The following TRPM7 variants were observed in gnomAD, a reference collection of about 807,000 sequenced individuals.
TRPM7 encodes the protein transient receptor potential cation channel subfamily M member 7, also known as LTRPC ion channel family member 7.
A neutral mutation model predicts 229.7 loss-of-function variants in TRPM7; 134 were observed. That is an observed-to-expected ratio of 0.58 (90% confidence interval 0.51 to 0.67). The LOEUF is 0.67. Ranked by LOEUF, TRPM7 falls within the 30% of genes least tolerant of loss-of-function variation. The pLI, the probability that TRPM7 is intolerant of heterozygous loss-of-function variation, is 0.00. For synonymous variants in TRPM7, 699 were observed against 715.2 expected, an observed-to-expected ratio of 0.98 and a Z score of 0.36; for missense variants, 1,901 against 2,210.0, an observed-to-expected ratio of 0.86 and a Z score of 2.80.
rs2053232335 is a variant in TRPM7, at chr15:50,559,512, A to G, written c.*2166T>C. On this transcript the variant is annotated 3_prime_UTR_variant, in exon 39 of 39. Transcript: ENST00000646667. ...CCCACCAAGACAAACAAAACAAAAC[A>G]AAACAAAACAAAACAAAACAAAAAC... 6.6e-6 allele frequency: 1 copy of G among 151,402 alleles called. No homozygotes were observed. The highest frequency in any genetic ancestry group is 1.9e-4 in the East Asian group (1 of 5,156). 9.4% of individuals were successfully genotyped at this position (151,402 alleles called of 1,614,324 possible). A position where few individuals can be genotyped will look rare whatever the true frequency, so the allele number is the denominator to read the frequency against.
chr15:50,657,182 G>A (rs899891547), intron 3 of TRPM7, among the ~76,000 whole-genome samples: 1 of 152,004 alleles, frequency 6.6e-6, no homozygotes, highest in Non-Finnish European at 1.5e-5. Flanking sequence ...AAATTAGCCG[G>A]GCATGGTGGC....
intron 36 of TRPM7, among the ~76,000 whole-genome samples, chr15:50,573,270 G>C (rs1224743514): frequency 6.6e-6 from 1 of 152,172 alleles, no homozygotes; most frequent in Non-Finnish European, 1.5e-5. Flanking sequence ...TCAATCCTGG[G>C]CCTAGCCTTA....
rs773355255 is a variant in TRPM7, at chr15:50,611,165, G to A, written c.2208C>T (p.His736=). Residue 736 remains histidine, a synonymous_variant, in exon 17 of 39, where the codon CAC becomes CAT. Transcript: ENST00000646667. ...CAGATAACAACATTTGTGTACAGGTGTGAGCTACAAAAGGTCTAAGTCTTG... is the reference window on the plus strand; with the variant it reads ...CAGATAACAACATTTGTGTACAGGTATGAGCTACAAAAGGTCTAAGTCTTG... ...VSSRLRPFVA[H]TCTQMLLSDM... 1.9e-6 allele frequency: 3 copies of A among 1,613,940 alleles called. No homozygotes were observed. The highest frequency in any genetic ancestry group is 1.1e-5 in the South Asian group (1 of 91,080).
intron 1 of TRPM7, among the ~76,000 whole-genome samples, chr15:50,677,691 A>T (rs905676342): frequency 6.8e-6 from 1 of 146,084 alleles, no homozygotes; most frequent in African/African-American, 2.5e-5. Flanking sequence ...GTGAGCTGAG[A>T]TCACGCCACT....
In TRPM7 at chr15:50,569,904, C is replaced by T. The variant is rs763498514; in HGVS notation, c.5450G>A (p.Arg1817Lys). The T allele has an allele frequency of 1.2e-6, 2 of 1,603,668 alleles. No homozygotes were observed. The highest frequency in any genetic ancestry group is 1.7e-4 in the Middle Eastern group (1 of 6,014). Residue 1817 changes from arginine (R) to lysine (K), a missense_variant, in exon 38 of 39, where the codon AGA becomes AAA. Transcript: ENST00000646667. ...TTTTTTACCTGGAAGTTTAAGCTTTCTACAGCAAGAATTACAGTGATGTTT... is the reference window on the plus strand; with the variant it reads ...TTTTTTACCTGGAAGTTTAAGCTTTTTACAGCAAGAATTACAGTGATGTTT... ...RAKHHCNSCC[R>K]KLKLPDLKRN...
At chr15:50,584,268 T>C (rs2054574602) in intron 28 of TRPM7, among the ~76,000 whole-genome samples, 1 of 152,112 alleles carries the variant, frequency 6.6e-6, no homozygotes, top group East Asian at 1.9e-4. Context: ...CAGACTGAGA[T>C]ATATTAGAAG....
chr15:50,674,259 G>A (rs1484261576), intron 1 of TRPM7, among the ~76,000 whole-genome samples: 1 of 152,190 alleles, frequency 6.6e-6, no homozygotes, highest in African/African-American at 2.4e-5. Flanking sequence ...AAAGTGCTAG[G>A]ATTACAGGCG....
At chr15:50,682,173 C>CAGAAAAAAA (rs2062254929) in intron 1 of TRPM7, among the ~76,000 whole-genome samples, 1 of 63,684 alleles carries the variant, frequency 1.6e-5, no homozygotes, top group East Asian at 5.8e-4. Flanking sequence ...AACTCAGTCT[C>CAGAAAAAAA]AAAAAAAAAA....
At chr15:50,601,340 G>T (rs536649297) in intron 21 of TRPM7, among the ~76,000 whole-genome samples, 1 of 152,288 alleles carries the variant, frequency 6.6e-6, no homozygotes, top group Non-Finnish European at 1.5e-5. Context: ...TCATAAAAAT[G>T]AGGATTCTTA....
At chr15:50,638,584 T>TA (rs1168756026) in intron 6 of TRPM7, among the ~76,000 whole-genome samples, 1 of 151,922 alleles carries the variant, frequency 6.6e-6, no homozygotes, top group African/African-American at 2.4e-5. Context: ...CAATAAAATG[T>TA]AATATTGCTA....
intron 3 of TRPM7, among the ~76,000 whole-genome samples, chr15:50,652,189 CG>C (rs1014319056): frequency 4.6e-5 from 7 of 150,794 alleles, no homozygotes; most frequent in African/African-American, 1.7e-4. Context: ...AAAACTTCAC[CG>C]GGTGTGGTGG....
chr15:50,586,477 A>G lies in TRPM7; in HGVS notation c.4401T>C (p.Thr1467=), dbSNP rs1238032797. The G allele has an allele frequency of 6.2e-7, 1 of 1,609,350 alleles. No homozygotes were observed. The highest frequency in any genetic ancestry group is 2.2e-5 in the East Asian group (1 of 44,784). ...TCACTCGTTTCAAAGTGTTTTCAGA[A>G]GTATTGTTATTCTGCAAATATTGTG... The part of the protein sequence containing the change: ...NKIKILSNNN[T]SENTLKRVSS... Residue 1467 remains threonine, a synonymous_variant, in exon 28 of 39, where the codon ACT becomes ACC. Coordinates refer to ENST00000646667, the MANE Select transcript of TRPM7 (RefSeq NM_017672.6).
intron 13 of TRPM7, among the ~76,000 whole-genome samples, chr15:50,614,968 G>A (rs912444194): frequency 2.0e-5 from 3 of 151,832 alleles, no homozygotes; most frequent in African/African-American, 7.3e-5. Context: ...TTGGGAGTTC[G>A]AGACCAGCCT....
chr15:50,597,196 A>T (rs2140391136), intron 22 of TRPM7, among the ~76,000 whole-genome samples: 1 of 152,232 alleles, frequency 6.6e-6, no homozygotes, highest in Non-Finnish European at 1.5e-5. Context: ...ATTACCCCTA[A>T]CTGAAAAATT....
chr15:50,582,854 T>C (rs1016686187), intron 29 of TRPM7, among the ~76,000 whole-genome samples: 1 of 152,158 alleles, frequency 6.6e-6, no homozygotes, highest in African/African-American at 2.4e-5. Flanking sequence ...ATAATTAGCT[T>C]CAATTCAAAC....
chr15:50,617,090 G>A (rs2060241664), intron 13 of TRPM7, among the ~76,000 whole-genome samples: 1 of 151,086 alleles, frequency 6.6e-6, no homozygotes, highest in Non-Finnish European at 1.5e-5. Context: ...AGGGGTTTGA[G>A]GCCAGCCTGG....
At position 50,575,800 on chromosome 15, in the gene TRPM7, A is replaced by G. The variant is rs2054103219; in HGVS notation, c.4670-11T>C. 1.9e-6 allele frequency: 3 copies of G among 1,613,492 alleles called. No individual in the cohort carries two copies. In the African/African-American group the frequency reaches 4.0e-5, roughly 22 times the overall value. Reference sequence around the variant, plus strand: ...TATTTCTTTCCACAGCTGCATAAAAATGAGAGAGAAATAATTAAATCTGTA... The same window carrying G: ...TATTTCTTTCCACAGCTGCATAAAAGTGAGAGAGAAATAATTAAATCTGTA... On this transcript the variant is annotated splice_polypyrimidine_tract_variant and intron_variant, in intron 32 of 38. Coordinates refer to ENST00000646667, the MANE Select transcript of TRPM7 (RefSeq NM_017672.6).
At chr15:50,667,444 G>A (rs1045469007) in intron 1 of TRPM7, among the ~76,000 whole-genome samples, 5 of 152,190 alleles carry the variant, frequency 3.3e-5, no homozygotes, top group Admixed American at 6.5e-5. Context: ...AGTGGTTCAC[G>A]CCTGTAATCC....
chr15:50,577,767 T>C (rs919874747), intron 31 of TRPM7, among the ~76,000 whole-genome samples: 1 of 152,138 alleles, frequency 6.6e-6, no homozygotes, highest in Admixed American at 6.5e-5. Flanking sequence ...ACAAGAATGC[T>C]TGTAGCAGCA....
Sources: gnomAD v4.1 joint callset for allele counts (sites outside exome capture counted in the v4.1 genomes callset) on GRCh38, gnomAD v4.1.1 for gene constraint, MANE v1.5 for transcripts, NCBI Gene and HGNC (gene_info 2026-07-23, HGNC 2026-07-21) for gene names.